The following SLC25A21 variants were observed in gnomAD, a reference collection of about 807,000 sequenced individuals.
SLC25A21 encodes mitochondrial 2-oxodicarboxylate carrier.
Under a neutral mutation model 43.8 loss-of-function variants are expected in SLC25A21, and 47 were observed. That is an observed-to-expected ratio of 1.07 (90% CI 0.85 to 1.37). The LOEUF is 1.37. Among genes scored for constraint, SLC25A21 ranks in the 40% most tolerant of loss-of-function variants. SLC25A21 has a pLI of 0.00. For missense variants in SLC25A21, 352 were observed against 350.2 expected (o/e 1.00, Z -0.04); for synonymous variants, 131 against 121.3 (o/e 1.08, Z -0.52).
At chr14:36,701,975 C>A (rs1222339617) in intron 7 of SLC25A21, among the ~76,000 whole-genome samples, 1 of 152,174 alleles carries the variant, frequency 6.6e-6, no homozygotes, top group Non-Finnish European at 1.5e-5. Context: ...GTCTTTGAAC[C>A]AAGCTAGTTC....
At chr14:36,927,613 G>A (rs764592639) in intron 1 of SLC25A21, among the ~76,000 whole-genome samples, 3 of 152,260 alleles carry the variant, frequency 2.0e-5, no homozygotes, top group Non-Finnish European at 2.9e-5. Flanking sequence ...ATTTTATTCA[G>A]TATAATGCTA....
intron 3 of SLC25A21, among the ~76,000 whole-genome samples, chr14:36,811,232 A>AAAT (rs887082700): frequency 1.3e-5 from 2 of 152,340 alleles, no homozygotes; most frequent in Non-Finnish European, 2.9e-5. Context: ...TCTGAAGATA[A>AAAT]AATAATTAAA....
rs558293701 is a variant in SLC25A21, at chr14:36,802,103, G to T, written c.203+11815C>A. 3.2e-4 allele frequency among the ~76,000 whole-genome samples: 48 copies of T among 152,262 alleles called. No homozygotes were observed. The South Asian group carries it at 9.8e-3, about 31-fold the overall frequency. On this transcript the variant is annotated intron_variant, in intron 3 of 9. Coordinates refer to ENST00000331299, the MANE Select transcript of SLC25A21 (RefSeq NM_030631.4). ...GTTATAAAGATGTTACCCTTCTGGGGTTATAGATAAATTATCATGTTTAGA... is the reference window on the plus strand; with the variant it reads ...GTTATAAAGATGTTACCCTTCTGGGTTTATAGATAAATTATCATGTTTAGA...
chr14:36,708,351 T>C (rs1348663333), intron 7 of SLC25A21, among the ~76,000 whole-genome samples: 2 of 152,234 alleles, frequency 1.3e-5, no homozygotes, highest in African/African-American at 2.4e-5. Flanking sequence ...AATCTAGATG[T>C]GGGAAGTGCT....
intron 2 of SLC25A21, among the ~76,000 whole-genome samples, chr14:36,829,654 C>T (rs1888962521): frequency 6.6e-6 from 1 of 152,152 alleles, no homozygotes; most frequent in Non-Finnish European, 1.5e-5. Context: ...ACTGCAAAAC[C>T]ATATCACAGT....
In SLC25A21 at chr14:37,169,174, T is replaced by C. The variant is rs190384914; in HGVS notation, c.70+3107A>G. ...TTCTGTTCAGTGCTGACTGTGGTGC[T>C]ATGGGCACAGGGAGCTGGCACCATG... is the stretch of plus-strand genomic sequence containing the variant. On this transcript the variant is annotated intron_variant, in intron 1 of 9. Coordinates refer to ENST00000331299, the MANE Select transcript of SLC25A21 (RefSeq NM_030631.4). Among the ~76,000 whole-genome samples the C allele has an allele frequency of 2.0e-5, 3 of 152,258 alleles. No homozygotes were observed. The East Asian group carries it at 5.8e-4, about 29-fold the overall frequency.
chr14:37,021,107 T>C (rs998779402), intron 1 of SLC25A21, among the ~76,000 whole-genome samples: 3 of 152,012 alleles, frequency 2.0e-5, no homozygotes, highest in Non-Finnish European at 4.4e-5. Flanking sequence ...ATTACCCTGT[T>C]CAAAGCCAGT....
intron 1 of SLC25A21, among the ~76,000 whole-genome samples, chr14:37,042,421 A>G (rs1961492987): frequency 6.6e-6 from 1 of 152,220 alleles, no homozygotes; most frequent in African/African-American, 2.4e-5. Flanking sequence ...ACCGACTCCA[A>G]AAGATGTCTA....
At chr14:36,834,819 T>A (rs1370123478) in intron 2 of SLC25A21, among the ~76,000 whole-genome samples, 1 of 152,118 alleles carries the variant, frequency 6.6e-6, no homozygotes, top group South Asian at 2.1e-4. Flanking sequence ...GGCCTTTTTG[T>A]CAAGTGACAT....
chr14:36,880,018 TGGGGCAAA>T (rs1368375614), intron 1 of SLC25A21, among the ~76,000 whole-genome samples: 1 of 152,136 alleles, frequency 6.6e-6, no homozygotes, highest in African/African-American at 2.4e-5. Context: ...CCAGAAATCC[TGGGGCAAA>T]GATGGTTAAT....
intron 3 of SLC25A21, among the ~76,000 whole-genome samples, chr14:36,802,041 G>A (rs538566039): frequency 2.6e-5 from 4 of 152,212 alleles, no homozygotes; most frequent in East Asian, 1.9e-4. Context: ...AGACACCTGC[G>A]TGGCCATGAA....
At chr14:37,026,221 T>C (rs1961090491) in intron 1 of SLC25A21, among the ~76,000 whole-genome samples, 1 of 152,204 alleles carries the variant, frequency 6.6e-6, no homozygotes, top group Non-Finnish European at 1.5e-5. Flanking sequence ...TTTCTACATA[T>C]CATTAGTTTT....
chr14:36,757,805 T>C (rs1043416040), intron 3 of SLC25A21, among the ~76,000 whole-genome samples: 1 of 152,236 alleles, frequency 6.6e-6, no homozygotes, highest in Non-Finnish European at 1.5e-5. Flanking sequence ...CTTGCTAGAA[T>C]TTCTTCCTTG....
intron 1 of SLC25A21, among the ~76,000 whole-genome samples, chr14:37,113,346 C>A (rs891106110): frequency 6.6e-6 from 1 of 152,166 alleles, no homozygotes; most frequent in Non-Finnish European, 1.5e-5. Context: ...AGCCTCTTCA[C>A]TCTTTAGCTG....
At chr14:36,730,084 G>A (rs1025135625) in intron 4 of SLC25A21, among the ~76,000 whole-genome samples, 1 of 152,178 alleles carries the variant, frequency 6.6e-6, no homozygotes, top group Non-Finnish European at 1.5e-5. Context: ...ATAAACTAGG[G>A]AAGGACTCAA....
chr14:36,731,269 AG>A (rs1884815344), intron 4 of SLC25A21, among the ~76,000 whole-genome samples: 1 of 152,172 alleles, frequency 6.6e-6, no homozygotes, highest in African/African-American at 2.4e-5. Context: ...AGCTTTTAAA[AG>A]TAATTTATTT....
At chr14:36,920,839 T>A (rs1044809900) in intron 1 of SLC25A21, among the ~76,000 whole-genome samples, 1 of 152,090 alleles carries the variant, frequency 6.6e-6, no homozygotes, top group Non-Finnish European at 1.5e-5. Context: ...ATTTCACATA[T>A]CTTACGGGCA....
chr14:36,742,072 A>T (rs1885290600), intron 3 of SLC25A21, among the ~76,000 whole-genome samples: 1 of 152,140 alleles, frequency 6.6e-6, no homozygotes. Flanking sequence ...CATTTCTTGT[A>T]TGGAAGCCTT....
chr14:36,917,440 T>C (rs1046645320), intron 1 of SLC25A21, among the ~76,000 whole-genome samples: 1 of 152,150 alleles, frequency 6.6e-6, no homozygotes, highest in Non-Finnish European at 1.5e-5. Flanking sequence ...CATAGTTGTT[T>C]ATATCTTTTT....
Sources: allele counts gnomAD v4.1 joint callset (sites outside exome capture counted in the v4.1 genomes callset), GRCh38; gene constraint gnomAD v4.1.1; transcripts MANE v1.5; gene names NCBI Gene and HGNC (gene_info 2026-07-23, HGNC 2026-07-21).